The following MCHR2 variants were observed in gnomAD, a reference collection of about 807,000 sequenced individuals.
MCHR2 encodes the protein melanin-concentrating hormone receptor 2.
In MCHR2, 15 loss-of-function variants were observed where a neutral mutation model predicts 24.8. The observed-to-expected ratio is 0.60, with a 90% confidence interval of 0.40 to 0.93. The LOEUF (loss-of-function observed/expected upper bound fraction) is 0.93. Among genes scored for constraint, MCHR2 ranks in the 40% least tolerant of loss-of-function variants. MCHR2 has a pLI of 0.00. For missense variants in MCHR2, 386 were observed against 408.7 expected (o/e 0.94, Z 0.48); for synonymous variants, 151 against 147.6 (o/e 1.02, Z -0.17).
chr6:99,979,245 G>A (rs1775619578), intron 1 of MCHR2, among the ~76,000 whole-genome samples: 1 of 152,166 alleles, frequency 6.6e-6, no homozygotes, highest in Non-Finnish European at 1.5e-5. Flanking sequence ...GTCCATAGAG[G>A]CAGCACTGTA....
chr6:99,991,544 C>T (rs910773124), intron 1 of MCHR2, among the ~76,000 whole-genome samples: 1 of 152,082 alleles, frequency 6.6e-6, no homozygotes, highest in African/African-American at 2.4e-5. Flanking sequence ...CGGTGGCTCA[C>T]GCCTGTTAAT....
intron 4 of MCHR2, 60 bp downstream of exon 4, chr6:99,942,889 G>A (rs924446560): frequency 2.1e-6 from 3 of 1,421,982 alleles, no homozygotes; most frequent in Non-Finnish European, 2.9e-6. Flanking sequence ...ATGTTGACAA[G>A]GAGAATGAAG....
chr6:99,972,695 AT>A (rs1428193801), intron 1 of MCHR2, among the ~76,000 whole-genome samples: 1 of 151,940 alleles, frequency 6.6e-6, no homozygotes, highest in African/African-American at 2.4e-5. Context: ...TTTTCTGGGC[AT>A]TTAGTGCTAT....
intron 4 of MCHR2, 31 bp from the exon 5 acceptor site, chr6:99,934,548 G>A: frequency 2.1e-6 from 3 of 1,447,072 alleles, no homozygotes; most frequent in Non-Finnish European, 1.9e-6. Flanking sequence ...GAGAGAGAGA[G>A]AAAGAACAAC....
intron 1 of MCHR2, among the ~76,000 whole-genome samples, chr6:99,983,201 G>T (rs1441132234): frequency 6.6e-6 from 1 of 152,014 alleles, no homozygotes; most frequent in Non-Finnish European, 1.5e-5. Flanking sequence ...AAACTCCTGG[G>T]CTCAAGTGAT....
chr6:99,945,044 T>C (rs1359738660), intron 3 of MCHR2, among the ~76,000 whole-genome samples: 1 of 152,152 alleles, frequency 6.6e-6, no homozygotes, highest in Non-Finnish European at 1.5e-5. Context: ...ACCCATTCTA[T>C]AGGAGGGACC....
chr6:99,988,194 C>T (rs1048418520), intron 1 of MCHR2, among the ~76,000 whole-genome samples: 2 of 152,200 alleles, frequency 1.3e-5, no homozygotes, highest in Admixed American at 1.3e-4. Flanking sequence ...ATAGGGTAGA[C>T]TTTCACAGGG....
chr6:99,926,977 G>A (rs573601840), intron 5 of MCHR2, among the ~76,000 whole-genome samples: 1 of 152,074 alleles, frequency 6.6e-6, no homozygotes, highest in East Asian at 1.9e-4. Context: ...TAGGTCTAAC[G>A]TTAAGTCTTT....
chr6:99,984,157 T>C (rs1045168755), intron 1 of MCHR2, among the ~76,000 whole-genome samples: 1 of 152,176 alleles, frequency 6.6e-6, no homozygotes, highest in Non-Finnish European at 1.5e-5. Flanking sequence ...CATACACATA[T>C]ATACATACAT....
chr6:99,922,137 C>T (rs749235032), intron 5 of MCHR2, among the ~76,000 whole-genome samples: 3 of 142,954 alleles, frequency 2.1e-5, no homozygotes, highest in African/African-American at 5.1e-5. Context: ...GACGGAGTCT[C>T]GCTCTGTCGC....
chr6:99,991,036 G>A (rs1024608146), intron 1 of MCHR2, among the ~76,000 whole-genome samples: 1 of 151,584 alleles, frequency 6.6e-6, no homozygotes, highest in Admixed American at 6.6e-5. Flanking sequence ...CAAGCATGTG[G>A]TGAAAGGGTG....
intron 1 of MCHR2, among the ~76,000 whole-genome samples, chr6:99,961,895 T>G (rs1325146122): frequency 2.0e-5 from 3 of 152,098 alleles, no homozygotes; most frequent in African/African-American, 7.2e-5. Flanking sequence ...CAAGTATCTT[T>G]TCCAACCACA....
At chr6:99,965,281 T>C (rs1775275184) in intron 1 of MCHR2, among the ~76,000 whole-genome samples, 1 of 152,222 alleles carries the variant, frequency 6.6e-6, no homozygotes, top group African/African-American at 2.4e-5. Flanking sequence ...TGTTCTCTTT[T>C]ACTTTCCAAT....
chr6:99,932,044 G>C (rs1181788140), intron 5 of MCHR2, among the ~76,000 whole-genome samples: 1 of 152,106 alleles, frequency 6.6e-6, no homozygotes, highest in Non-Finnish European at 1.5e-5. Flanking sequence ...TTGTAAGACA[G>C]GTCTAGTGTT....
chr6:99,968,282 A>G (rs1775331387), intron 1 of MCHR2, among the ~76,000 whole-genome samples: 1 of 152,198 alleles, frequency 6.6e-6, no homozygotes. Flanking sequence ...TTTGAAACAT[A>G]GCACCAGCTT....
chr6:99,926,200 T>TCC (rs1774354748), intron 5 of MCHR2, among the ~76,000 whole-genome samples: 1 of 152,230 alleles, frequency 6.6e-6, no homozygotes. Flanking sequence ...TTCCATGGTG[T>TCC]ATATGTGCCA....
intron 5 of MCHR2, among the ~76,000 whole-genome samples, chr6:99,931,672 TCTC>T (rs1290271442): frequency 6.6e-6 from 1 of 151,994 alleles, no homozygotes; most frequent in Non-Finnish European, 1.5e-5. Context: ...TGGTGTGCCG[TCTC>T]CTAAGCCCGT....
Position 99,921,034 on chromosome 6 carries a change from C to T in MCHR2, c.929G>A (p.Ser310Asn), listed in dbSNP as rs1420465172. Residue 310 changes from serine (S) to asparagine (N), a missense_variant, in exon 6 of 6, where the codon AGT (serine) becomes AAT (asparagine). Transcript: ENST00000281806. ...SINPFLYILL[S>N]GNFQKRLPQI... ...AGGCAGACGTTTCTGGAAATTTCCA[C>T]TCAGCAGGATGTAGAGAAAAGGGTT... The T allele has an allele frequency of 6.2e-7, 1 of 1,614,188 alleles. No homozygotes were observed. The highest frequency in any genetic ancestry group is 8.5e-7 in the Non-Finnish European group (1 of 1,180,028).
chr6:99,928,965 G>C (rs1378413466), intron 5 of MCHR2, among the ~76,000 whole-genome samples: 11 of 151,976 alleles, frequency 7.2e-5, no homozygotes, highest in Non-Finnish European at 1.3e-4. Flanking sequence ...GCTTTCTCTT[G>C]TGGGCATTTA....
Sources: gnomAD v4.1 joint callset for allele counts (sites outside exome capture counted in the v4.1 genomes callset) on GRCh38, gnomAD v4.1.1 for gene constraint, MANE v1.5 for transcripts, NCBI Gene and HGNC (gene_info 2026-07-23, HGNC 2026-07-21) for gene names.